FLT3: variants seen among roughly 807,000 people sequenced by gnomAD.
FLT3 encodes the protein receptor-type tyrosine-protein kinase FLT3.
A neutral mutation model predicts 126.6 loss-of-function variants in FLT3; 46 were observed. The ratio of observed to expected loss-of-function variants is 0.36; its 90% CI spans 0.29 to 0.46. The LOEUF is 0.46. FLT3 is among the 20% of genes least tolerant of loss of function. The pLI is 1.00. For missense variants in FLT3, 1,069 were observed against 1,190.3 expected, an observed-to-expected ratio of 0.90 and a Z score of 1.50; for synonymous variants, 404 against 434.4, an observed-to-expected ratio of 0.93 and a Z score of 0.87.
chr13:28,052,660 T>C lies in FLT3; in HGVS notation c.499A>G (p.Thr167Ala), dbSNP rs201266613. ...TTTCTAAAGTAAGGTCTTCTTAATGTGTAAAGCAGGGTATCTAAAGCATCA... is the reference window on the plus strand; with the variant it reads ...TTTCTAAAGTAAGGTCTTCTTAATGCGTAAAGCAGGGTATCTAAAGCATCA... ...TVSIRNTLLYTLRRPYFRKME... is the reference protein window; with the variant it reads ...TVSIRNTLLYALRRPYFRKME... The change falls in exon 5 of 24, where the codon ACA (threonine) becomes GCA (alanine). Residue 167 changes from threonine (T) to alanine (A), a missense_variant. Coordinates refer to ENST00000241453, the MANE Select transcript of FLT3 (RefSeq NM_004119.3). The C allele has an allele frequency of 1.7e-4, 266 of 1,606,296 alleles. No individual in the cohort carries two copies. In the Middle Eastern group the frequency reaches 3.5e-3, roughly 21 times the overall value.
At chr13:28,039,161 C>T (rs2504236) in intron 9 of FLT3, among the ~76,000 whole-genome samples, 69,583 of 151,776 alleles carry the variant, frequency 0.46, 17,887 homozygotes, top group East Asian at 0.7. Flanking sequence ...AACGGCAAGC[C>T]TCTCATGGGA....
chr13:28,005,303 T>G (rs937475530), intron 23 of FLT3, among the ~76,000 whole-genome samples: 2 of 151,330 alleles, frequency 1.3e-5, no homozygotes, highest in South Asian at 4.2e-4. Context: ...CACTCCAGCC[T>G]GGGTGACAGA....
chr13:28,017,059 T>A (rs1051969319), intron 20 of FLT3, among the ~76,000 whole-genome samples: 1 of 152,202 alleles, frequency 6.6e-6, no homozygotes, highest in Non-Finnish European at 1.5e-5. Flanking sequence ...CAAGTCCACA[T>A]GCTGTGTAAC....
chr13:28,039,697 C>T (rs1874173476), intron 9 of FLT3, among the ~76,000 whole-genome samples: 3 of 151,876 alleles, frequency 2.0e-5, no homozygotes, highest in East Asian at 1.9e-4. Flanking sequence ...TACAGGCACA[C>T]GCCACCACAG....
chr13:28,007,526 C>G (rs142958099), intron 23 of FLT3, among the ~76,000 whole-genome samples: 8 of 152,262 alleles, frequency 5.3e-5, no homozygotes, highest in African/African-American at 1.9e-4. Context: ...GGATTACAGG[C>G]GTGAGCCACC....
At chr13:28,014,578 G>A (rs372911679) in intron 22 of FLT3, 21 bp from the exon 23 acceptor site, 46 of 1,542,724 alleles carry the variant, frequency 3.0e-5, no homozygotes, top group Non-Finnish European at 4.1e-5. Flanking sequence ...AATAGAACAA[G>A]GAACAAGATG....
intron 9 of FLT3, among the ~76,000 whole-genome samples, chr13:28,047,447 C>T (rs1261710939): frequency 2.0e-5 from 3 of 152,122 alleles, no homozygotes; most frequent in Admixed American, 6.5e-5. Flanking sequence ...CAGTGGCTCA[C>T]GCCTGTAATC....
At chr13:28,030,882 T>G (rs962589369) in intron 15 of FLT3, among the ~76,000 whole-genome samples, 5 of 147,440 alleles carry the variant, frequency 3.4e-5, no homozygotes, top group African/African-American at 1.3e-4. Context: ...CCAGCCTGGG[T>G]GACAGAGTGA....
At chr13:28,011,083 G>A (rs112894074) in intron 23 of FLT3, among the ~76,000 whole-genome samples, 40,129 of 151,654 alleles carry the variant, frequency 0.26, 5,397 homozygotes, top group Non-Finnish European at 0.28. Flanking sequence ...AGGCTGAGGT[G>A]GGCGGATCAT....
intron 23 of FLT3, among the ~76,000 whole-genome samples, chr13:28,012,037 G>A (rs1034763184): frequency 3.3e-5 from 5 of 151,914 alleles, no homozygotes; most frequent in African/African-American, 1.2e-4. Context: ...CAAGTGATCC[G>A]CCCACCTCAG....
chr13:28,011,557 G>C (rs950348822), intron 23 of FLT3, among the ~76,000 whole-genome samples: 1 of 149,768 alleles, frequency 6.7e-6, no homozygotes, highest in African/African-American at 2.4e-5. Context: ...TGAGACCCAC[G>C]CCAAGCTCTC....
At chr13:28,025,153 C>A (rs1025482976) in intron 17 of FLT3, 2 of 561,410 alleles carry the variant, frequency 3.6e-6, no homozygotes. Context: ...TCCCTGTTTT[C>A]CATATAGAAT....
chr13:28,005,606 G>A (rs1870814755), intron 23 of FLT3, among the ~76,000 whole-genome samples: 1 of 151,866 alleles, frequency 6.6e-6, no homozygotes, highest in South Asian at 2.1e-4. Flanking sequence ...CTGGTTATAC[G>A]AAACAAACTG....
At chr13:28,048,985 A>T (rs1239091900) in intron 8 of FLT3, among the ~76,000 whole-genome samples, 1 of 152,196 alleles carries the variant, frequency 6.6e-6, no homozygotes, top group African/African-American at 2.4e-5. Flanking sequence ...ACTGTCTCTC[A>T]GTGCTCACTG....
intron 15 of FLT3, among the ~76,000 whole-genome samples, chr13:28,029,079 G>A (rs1053689443): frequency 6.6e-6 from 1 of 152,106 alleles, no homozygotes; most frequent in African/African-American, 2.4e-5. Flanking sequence ...ACCATGCCCA[G>A]CCTAAGGCAG....
chr13:28,100,407 A>G lies in FLT3; in HGVS notation c.43+61T>C. On this transcript the variant is annotated intron_variant, in intron 1 of 23. Transcript: ENST00000241453. The surrounding 1 kb of genome is among the most constrained non-coding windows in gnomAD (Gnocchi z 4.8). ...CCGGAGGAGGCGCGCGCCCGGGTCC[A>G]CACTGCGGGGTGGGGGCTGAGGGAC... 1 of 1,162,806 alleles carries G rather than the reference A, an allele frequency of 8.6e-7. No individual in the cohort carries two copies. The highest frequency in any genetic ancestry group is 1.1e-6 in the Non-Finnish European group (1 of 929,840). The allele number at this position is 1,162,806 out of a possible 1,614,324, so 72.0% of individuals were successfully genotyped here.
chr13:28,015,741 A>T (rs1871797735), intron 20 of FLT3, 40 bp from the exon 21 acceptor site: 2 of 1,176,824 alleles, frequency 1.7e-6, no homozygotes, highest in Non-Finnish European at 2.5e-6. Flanking sequence ...TGAATTTTCC[A>T]CATACAGACA....
intron 9 of FLT3, among the ~76,000 whole-genome samples, chr13:28,041,907 C>G (rs946679066): frequency 6.6e-6 from 1 of 152,126 alleles, no homozygotes; most frequent in East Asian, 1.9e-4. Context: ...AATCCCAACA[C>G]TTTGGGAGGC....
chr13:28,084,898 C>T, intron 1 of FLT3, among the ~76,000 whole-genome samples: 1 of 150,128 alleles, frequency 6.7e-6, no homozygotes, highest in Non-Finnish European at 1.5e-5. Context: ...TGGCGTGAAC[C>T]CGGGAGGCGG....
Sources: allele counts gnomAD v4.1 joint callset (sites outside exome capture counted in the v4.1 genomes callset), GRCh38; gene constraint gnomAD v4.1.1; non-coding constraint Gnocchi (gnomAD v3.1); transcripts MANE v1.5; gene names NCBI Gene and HGNC (gene_info 2026-07-23, HGNC 2026-07-21).